Variants in PCDHGA2 observed in about 807,000 individuals in gnomAD.
The protein encoded by PCDHGA2 is protocadherin gamma-A2.
Under a neutral mutation model 59.2 loss-of-function variants are expected in PCDHGA2, and 40 were observed. The observed-to-expected ratio is 0.68, with a 90% CI of 0.52 to 0.88. The LOEUF (loss-of-function observed/expected upper bound fraction) is 0.88. Among genes scored for constraint, PCDHGA2 ranks in the 40% least tolerant of loss-of-function variants. PCDHGA2 has a pLI of 0.00. For synonymous variants in PCDHGA2, 560 were observed against 526.0 expected, an observed-to-expected ratio of 1.06 and a Z score of -0.89; for missense variants, 1,226 against 1,204.0, an observed-to-expected ratio of 1.02 and a Z score of -0.27.
rs752660585 is a variant in PCDHGA2 at position 141,400,337 on chromosome 5, C to A, written c.2424+58942C>A. The A allele has an allele frequency of 6.6e-5, 106 of 1,613,962 alleles. No homozygotes were observed. The Admixed American group carries it at 1.7e-3, about 26-fold the overall frequency. ...GTCAAGTCTGGACCTGTGGTTCCCC[C>A]CAACTACAGTCAGGGGACTTTGCCT... On this transcript the variant is annotated intron_variant, in intron 1 of 3. Transcript: ENST00000394576.
Position 141,400,379 on chromosome 5 carries a change from G to C in PCDHGA2, c.2424+58984G>C, listed in dbSNP as rs759135733. 3 of 1,613,922 alleles carry C rather than the reference G, an allele frequency of 1.9e-6. No homozygotes were observed. The East Asian group carries it at 6.7e-5, about 36-fold the overall frequency. ...ACTTTGCCTTATTCCTACAACCTAT[G>C]TGTTGCACATACAGGAAAGACGGAG... On this transcript the variant is annotated intron_variant, in intron 1 of 3. Coordinates refer to ENST00000394576, the MANE Select transcript of PCDHGA2 (RefSeq NM_018915.4).
At chr5:141,481,982 G>A (rs1378873905) in intron 1 of PCDHGA2, among the ~76,000 whole-genome samples, 2 of 151,628 alleles carry the variant, frequency 1.3e-5, no homozygotes, top group African/African-American at 2.4e-5. Context: ...CTACTTGGGA[G>A]GTTGAAGCAG....
At chr5:141,388,965 G>T (rs1164641835) in intron 1 of PCDHGA2, 1 of 1,613,978 alleles carries the variant, frequency 6.2e-7, no homozygotes, top group Admixed American at 1.7e-5. Context: ...CGCCGAGCTG[G>T]GAACACATAT....
chr5:141,340,466 G>A lies in PCDHGA2; in HGVS notation c.1495G>A (p.Ala499Thr). 6.2e-7 allele frequency: 1 copy of A among 1,614,200 alleles called. No individual in the cohort carries two copies. The highest frequency in any genetic ancestry group is 8.5e-7 in the Non-Finnish European group (1 of 1,180,040). The change falls in exon 1 of 4, where the codon GCA (alanine) becomes ACA (threonine). Residue 499 changes from alanine to threonine, a missense_variant. Transcript: ENST00000394576. ...YSFAEDTVQGAPLSSYISINS... is the reference protein window; with the variant it reads ...YSFAEDTVQGTPLSSYISINS... ...TTTCGCGGAGGACACTGTTCAGGGG[G>A]CACCCTTATCCTCTTACATCTCTAT...
chr5:141,447,312 G>C (rs2098534178), intron 1 of PCDHGA2, among the ~76,000 whole-genome samples: 2 of 151,918 alleles, frequency 1.3e-5, no homozygotes, highest in African/African-American at 2.4e-5. Flanking sequence ...GCTAATTTTT[G>C]TATTTTTAGT....
intron 1 of PCDHGA2, chr5:141,374,279 A>G: frequency 6.2e-7 from 1 of 1,614,000 alleles, no homozygotes; most frequent in Non-Finnish European, 8.5e-7. Context: ...CGGAGTCCGC[A>G]TCGTCTCCAG....
chr5:141,483,243 ATATATCATGAGGTTTTTTTGTT>A (rs555469799), intron 1 of PCDHGA2, among the ~76,000 whole-genome samples: 11 of 151,654 alleles, frequency 7.3e-5, no homozygotes, highest in African/African-American at 2.2e-4. Context: ...ACTGATATGC[ATATATCATGAGGTTTTTTTGTT>A]TTAGAAATAT....
intron 1 of PCDHGA2, chr5:141,374,248 G>A (rs1259243407): frequency 1.9e-6 from 3 of 1,613,890 alleles, no homozygotes. Context: ...TGGGACTGGA[G>A]CCCCAGGAGT....
At position 141,485,562 on chromosome 5, in the gene PCDHGA2, C is replaced by T. The variant is rs779890454; in HGVS notation, c.2425-9245C>T. 2.5e-6 allele frequency: 4 copies of T among 1,612,910 alleles called. No homozygotes were observed. Among genetic ancestry groups the T allele is most frequent in the Admixed American group, 1.7e-5 (1 of 59,996 alleles). On this transcript the variant is annotated intron_variant, in intron 1 of 3. Transcript: ENST00000394576. The surrounding 1 kb of genome is among the most constrained non-coding windows in gnomAD (Gnocchi z 5.7). ...GAGATCGTAGATGTGAATGATCACG[C>T]CCCCCGTTTTCCGCGGCAGCAGCTG... is the stretch of plus-strand genomic sequence containing the variant.
intron 1 of PCDHGA2, among the ~76,000 whole-genome samples, chr5:141,368,592 A>G (rs1277512291): frequency 6.6e-6 from 1 of 152,198 alleles, no homozygotes; most frequent in Non-Finnish European, 1.5e-5. Context: ...TGTTTGGGAA[A>G]AAAGTAAAGG....
chr5:141,375,703 G>T (rs776426026), intron 1 of PCDHGA2: 9 of 1,614,144 alleles, frequency 5.6e-6, no homozygotes, highest in Non-Finnish European at 7.6e-6. Flanking sequence ...GCGGGGACCC[G>T]CCTCTTAGCA....
At position 141,505,479 on chromosome 5, in the gene PCDHGA2, G is replaced by A; in HGVS notation, c.2570G>A (p.Ser857Asn). 1 of 1,614,228 alleles carries A rather than the reference G, an allele frequency of 6.2e-7. No homozygotes were observed. The highest frequency in any genetic ancestry group is 8.5e-7 in the Non-Finnish European group (1 of 1,180,018). Residue 857 changes from serine to asparagine, a missense_variant and splice_region_variant, in exon 3 of 4, where the codon AGT (serine) becomes AAT (asparagine). Ser to Asn is a conservative substitution (Grantham distance 46, BLOSUM62 1). Coordinates refer to ENST00000394576, the MANE Select transcript of PCDHGA2 (RefSeq NM_018915.4). Reference sequence around the variant, plus strand: ...CAAGCCATGATCTTGGCGTCCGCCAGTGGTAAGTGGTGTCAGTGTGTGTAT... The same window carrying A: ...CAAGCCATGATCTTGGCGTCCGCCAATGGTAAGTGGTGTCAGTGTGTGTAT... Reference protein sequence around the residue: ...MLQAMILASASEAADGSSTLG... With the variant: ...MLQAMILASANEAADGSSTLG...
At position 141,340,288 on chromosome 5, in the gene PCDHGA2, G is replaced by A. The variant is rs532317008; in HGVS notation, c.1317G>A (p.Leu439=). The A allele has an allele frequency of 2.2e-5, 36 of 1,614,102 alleles. No individual in the cohort carries two copies. The South Asian group carries it at 3.6e-4, about 16-fold the overall frequency. The change falls in exon 1 of 4, where the codon TTG becomes TTA. Residue 439 remains leucine, a synonymous_variant. Coordinates refer to ENST00000394576, the MANE Select transcript of PCDHGA2 (RefSeq NM_018915.4). The part of the protein sequence containing the change: ...NPSLSTDAHI[L]LQVADINDNA... ...CCCTGTCCACGGATGCTCACATTTT[G>A]CTCCAGGTGGCAGACATCAACGACA...
intron 1 of PCDHGA2, among the ~76,000 whole-genome samples, chr5:141,448,917 C>T (rs913804081): frequency 2.6e-5 from 4 of 152,130 alleles, no homozygotes; most frequent in African/African-American, 9.7e-5. Context: ...TGCACTCCAG[C>T]CTGGGCGACA....
chr5:141,458,848 T>C (rs1044462303), intron 1 of PCDHGA2, among the ~76,000 whole-genome samples: 1 of 152,182 alleles, frequency 6.6e-6, no homozygotes, highest in Non-Finnish European at 1.5e-5. Flanking sequence ...TCCTCCCACC[T>C]CAGCCTTCCA....
intron 1 of PCDHGA2, chr5:141,371,845 A>G: frequency 6.2e-7 from 1 of 1,613,664 alleles, no homozygotes; most frequent in Non-Finnish European, 8.5e-7. Flanking sequence ...TTGGGACCTA[A>G]TGGCCTTGTC....
intron 1 of PCDHGA2, among the ~76,000 whole-genome samples, chr5:141,380,341 G>A (rs1359705635): frequency 6.6e-6 from 1 of 152,024 alleles, no homozygotes; most frequent in Non-Finnish European, 1.5e-5. Context: ...TCAAAGAACT[G>A]TTTTGTTGTT....
chr5:141,415,210 C>G lies in PCDHGA2; in HGVS notation c.2424+73815C>G, dbSNP rs2095843973. The G allele has an allele frequency of 2.5e-6, 4 of 1,614,068 alleles. No individual in the cohort carries two copies. The highest frequency in any genetic ancestry group is 1.6e-4 in the Middle Eastern group (1 of 6,062). ...CAGCATCCCCCAAGTCCTGGCGGAC[C>G]TCGGCAGCTTCGAGTCTCCAGCTAA... is the stretch of plus-strand genomic sequence containing the variant. On this transcript the variant is annotated intron_variant, in intron 1 of 3. Coordinates refer to ENST00000394576, the MANE Select transcript of PCDHGA2 (RefSeq NM_018915.4).
chr5:141,477,438 C>T lies in PCDHGA2; in HGVS notation c.2425-17369C>T, dbSNP rs1386997844. On this transcript the variant is annotated intron_variant, in intron 1 of 3. Transcript: ENST00000394576. This position sits in a 1 kb window ranked among gnomAD's most constrained non-coding sequence, Gnocchi z 4.9. ...GGAACCCCTTCCCTCTCAGCCCTTA[C>T]AATAGTGCGTGTTCAAGTGTCCGAC... 6.2e-7 allele frequency: 1 copy of T among 1,614,174 alleles called. No homozygotes were observed. The highest frequency in any genetic ancestry group is 8.5e-7 in the Non-Finnish European group (1 of 1,180,030).
Sources: gnomAD v4.1 joint callset for allele counts (sites outside exome capture counted in the v4.1 genomes callset) on GRCh38, gnomAD v4.1.1 for gene constraint, Gnocchi (gnomAD v3.1) non-coding constraint, MANE v1.5 for transcripts, NCBI Gene and HGNC (gene_info 2026-07-23, HGNC 2026-07-21) for gene names.